The following BABAM2 variants were observed in gnomAD, a reference collection of about 807,000 sequenced individuals.
The protein encoded by BABAM2 is BRISC and BRCA1-A complex member 2.
Under a neutral mutation model 54.7 loss-of-function variants are expected in BABAM2, and 31 were observed. That is an observed-to-expected ratio of 0.57 (90% CI 0.43 to 0.77). BABAM2 has a LOEUF of 0.77. BABAM2 is among the 30% of genes least tolerant of loss of function. BABAM2 has a pLI of 0.00. For missense variants in BABAM2, 364 were observed against 455.8 expected (o/e 0.80, Z 1.83); for synonymous variants, 167 against 162.9 (o/e 1.03, Z -0.19).
chr2:27,948,347 A>G (rs749755627), intron 3 of BABAM2, among the ~76,000 whole-genome samples: 5 of 152,138 alleles, frequency 3.3e-5, no homozygotes, highest in Non-Finnish European at 4.4e-5. Flanking sequence ...TGTAGACTCC[A>G]TAAGATTTCC....
intron 2 of BABAM2, among the ~76,000 whole-genome samples, chr2:27,915,386 A>T (rs548391673): frequency 0.014 from 2,152 of 152,306 alleles, 38 homozygotes; most frequent in Non-Finnish European, 0.017. Context: ...GCACCAAGTC[A>T]GTGGATCCTC....
At chr2:28,307,135 T>C (rs968386229) in intron 11 of BABAM2, among the ~76,000 whole-genome samples, 1 of 146,152 alleles carries the variant, frequency 6.8e-6, no homozygotes, top group Non-Finnish European at 1.5e-5. Context: ...GCCTCCCAAA[T>C]AGCTGGGACT....
intron 4 of BABAM2, among the ~76,000 whole-genome samples, chr2:28,010,309 T>G (rs1336845432): frequency 2.0e-5 from 3 of 152,184 alleles, no homozygotes; most frequent in African/African-American, 7.2e-5. Context: ...ATATAGATTC[T>G]GTTTTTCCTC....
rs146572796 is a variant in BABAM2, at chr2:28,294,188, G to A, written c.935-4150G>A. On this transcript the variant is annotated intron_variant, in intron 10 of 11. Coordinates refer to ENST00000379624, the MANE Select transcript of BABAM2 (RefSeq NM_199191.3). ...AAGGTCAGGAGTTCAAGACCAGCCTGACCAACATGGTGAAACCCCATCTCT... is the reference window on the plus strand; with the variant it reads ...AAGGTCAGGAGTTCAAGACCAGCCTAACCAACATGGTGAAACCCCATCTCT... Among the ~76,000 whole-genome samples, 1,080 of 152,250 alleles carry A rather than the reference G, an allele frequency of 7.1e-3. 9 individuals are homozygous for A. Among genetic ancestry groups the A allele is most frequent in the African/African-American group, 0.025 (1,023 of 41,542 alleles).
At chr2:28,309,342 T>C (rs970961814) in intron 11 of BABAM2, 1 of 152,162 alleles carries the variant, frequency 6.6e-6, no homozygotes, top group Non-Finnish European at 1.5e-5. Flanking sequence ...CTTCTGCTAG[T>C]CACAGATTTA....
intron 3 of BABAM2, among the ~76,000 whole-genome samples, chr2:27,985,240 C>T (rs1053279024): frequency 1.3e-5 from 2 of 152,086 alleles, no homozygotes; most frequent in Non-Finnish European, 2.9e-5. Flanking sequence ...CAGGTAGATA[C>T]CCAGTGGTGG....
intron 5 of BABAM2, among the ~76,000 whole-genome samples, chr2:28,031,415 AT>A (rs1676283307): frequency 6.6e-6 from 1 of 152,146 alleles, no homozygotes; most frequent in Non-Finnish European, 1.5e-5. Context: ...AAAGATAGCT[AT>A]TGTGCAAGAT....
intron 3 of BABAM2, among the ~76,000 whole-genome samples, chr2:27,937,685 A>G (rs998989535): frequency 8.5e-5 from 13 of 152,178 alleles, no homozygotes; most frequent in Admixed American, 2.6e-4. Flanking sequence ...AGTGGCTTGA[A>G]TTCTTTATAT....
rs181212252 is a variant in BABAM2 at position 28,338,833 on chromosome 2, C to A, written c.*320C>A. The A allele has an allele frequency of 1.8e-3, 562 of 316,938 alleles. 2 individuals carry two copies. Among genetic ancestry groups the A allele is most frequent in the South Asian group, 3.4e-3 (97 of 28,674 alleles). The allele number at this position is 316,938 out of a possible 1,614,324, so 19.6% of individuals were successfully genotyped here. A position where few individuals can be genotyped will look rare whatever the true frequency, so the allele number is the denominator to read the frequency against. ...CCTCAGGAATGCCCACGCCTTTCTT[C>A]CAAAGCCTTTGTCTCTGAGACCTCT... is the stretch of plus-strand genomic sequence containing the variant. On this transcript the variant is annotated 3_prime_UTR_variant, in exon 12 of 12. Transcript: ENST00000379624.
intron 10 of BABAM2, among the ~76,000 whole-genome samples, chr2:28,246,185 GCCT>G (rs1682900788): frequency 2.0e-5 from 3 of 152,248 alleles, no homozygotes; most frequent in African/African-American, 7.2e-5. Flanking sequence ...CACAATCAAG[GCCT>G]CCTGGCAATC....
rs146865677 is a variant in BABAM2, at chr2:28,028,071, T to C, written c.495+2651T>C. Among the ~76,000 whole-genome samples, 433 of 152,290 alleles carry C rather than the reference T, an allele frequency of 2.8e-3. 5 individuals are homozygous for C. The highest frequency in any genetic ancestry group is 4.8e-3 in the Non-Finnish European group (325 of 68,020). On this transcript the variant is annotated intron_variant, in intron 5 of 11. Transcript: ENST00000379624. ...CTGTGCTTGAAGTGTTGGCTAGGGC[T>C]CTGGTCATCTCAAGGCTCGACTGGA...
chr2:28,066,599 C>T (rs1663602207), intron 6 of BABAM2, among the ~76,000 whole-genome samples: 1 of 152,168 alleles, frequency 6.6e-6, no homozygotes, highest in Admixed American at 6.5e-5. Context: ...GCTGCAGTAG[C>T]CATCTGAAAG....
intron 7 of BABAM2, among the ~76,000 whole-genome samples, chr2:28,137,342 G>A (rs1192200169): frequency 6.6e-6 from 1 of 152,110 alleles, no homozygotes; most frequent in Non-Finnish European, 1.5e-5. Context: ...TGCTAAGACA[G>A]CCAGCTCTCA....
intron 11 of BABAM2, among the ~76,000 whole-genome samples, chr2:28,299,478 A>G (rs1210335185): frequency 1.3e-5 from 2 of 152,244 alleles, no homozygotes; most frequent in East Asian, 1.9e-4. Context: ...CGCTTGGAAC[A>G]GTCATATGCT....
At chr2:28,211,508 C>A (rs999741964) in intron 7 of BABAM2, among the ~76,000 whole-genome samples, 11 of 151,052 alleles carry the variant, frequency 7.3e-5, no homozygotes, top group African/African-American at 2.4e-4. Flanking sequence ...CTGCCTCAGC[C>A]TCCCGAGTAG....
At chr2:28,263,013 A>G (rs916433298) in intron 10 of BABAM2, among the ~76,000 whole-genome samples, 1 of 151,978 alleles carries the variant, frequency 6.6e-6, no homozygotes, top group Non-Finnish European at 1.5e-5. Flanking sequence ...ACTGAGAATG[A>G]CTTGTGGCTA....
At chr2:28,198,312 C>T (rs891579940) in intron 7 of BABAM2, among the ~76,000 whole-genome samples, 8 of 151,838 alleles carry the variant, frequency 5.3e-5, no homozygotes, top group Admixed American at 2.0e-4. Flanking sequence ...TACAGGTGCC[C>T]GCAAAAAATG....
chr2:27,997,427 G>A (rs1329041742), intron 4 of BABAM2, among the ~76,000 whole-genome samples: 8 of 152,168 alleles, frequency 5.3e-5, no homozygotes, highest in Admixed American at 5.2e-4. Context: ...GAAGTAGGAA[G>A]AAAGTTGATG....
At chr2:27,986,152 A>T (rs1291765865) in intron 3 of BABAM2, among the ~76,000 whole-genome samples, 1 of 152,162 alleles carries the variant, frequency 6.6e-6, no homozygotes, top group South Asian at 2.1e-4. Flanking sequence ...CAGTTTGAAA[A>T]GTTTGCTTTT....
Sources: gnomAD v4.1 joint callset for allele counts (sites outside exome capture counted in the v4.1 genomes callset) on GRCh38, gnomAD v4.1.1 for gene constraint, MANE v1.5 for transcripts, NCBI Gene and HGNC (gene_info 2026-07-23, HGNC 2026-07-21) for gene names.